Variants in PELI2 observed in about 807,000 individuals in gnomAD.
PELI2 encodes the protein pellino E3 ubiquitin protein ligase family member 2.
A neutral mutation model predicts 42.3 loss-of-function variants in PELI2; 23 were observed. The observed-to-expected ratio is 0.54, with a 90% CI of 0.39 to 0.77. PELI2 has a LOEUF of 0.77. PELI2 is among the 30% of genes least tolerant of loss of function. The pLI, the probability that PELI2 is intolerant of heterozygous loss-of-function variation, is 0.00. For synonymous variants in PELI2, 245 were observed against 212.2 expected (o/e 1.15, Z -1.34); for missense variants, 463 against 553.2 (o/e 0.84, Z 1.64).
At chr14:56,214,300 G>A (rs1435466630) in intron 2 of PELI2, among the ~76,000 whole-genome samples, 1 of 152,216 alleles carries the variant, frequency 6.6e-6, no homozygotes, top group Non-Finnish European at 1.5e-5. Flanking sequence ...GCCCCTGGAA[G>A]CTATGCAGTG....
Position 56,152,775 on chromosome 14 carries a change from A to G in PELI2, c.78-25560A>G, listed in dbSNP as rs374497802. Among the ~76,000 whole-genome samples the G allele has an allele frequency of 2.6e-5, 4 of 152,334 alleles. No homozygotes were observed. In the South Asian group the frequency reaches 8.3e-4, roughly 32 times the overall value. ...GTTTATAATTAGAATGTTAATTCTT[A>G]TAGTAGATATATTTGTAAAAAGATG... is the stretch of plus-strand genomic sequence containing the variant. On this transcript the variant is annotated intron_variant, in intron 1 of 5. Coordinates refer to ENST00000267460, the MANE Select transcript of PELI2 (RefSeq NM_021255.3).
At chr14:56,244,282 G>A (rs116903390) in intron 2 of PELI2, among the ~76,000 whole-genome samples, 167 of 152,292 alleles carry the variant, frequency 1.1e-3, no homozygotes, top group East Asian at 7.1e-3. Flanking sequence ...TGGCAAAATC[G>A]TTGATCAAAT....
chr14:56,127,645 G>T (rs949272471), intron 1 of PELI2, among the ~76,000 whole-genome samples: 8 of 152,194 alleles, frequency 5.3e-5, no homozygotes, highest in African/African-American at 1.7e-4. Context: ...CAGCACTCAG[G>T]GTTGGGAGAG....
At chr14:56,140,422 A>C (rs1025830755) in intron 1 of PELI2, among the ~76,000 whole-genome samples, 1 of 152,270 alleles carries the variant, frequency 6.6e-6, no homozygotes, top group Non-Finnish European at 1.5e-5. Context: ...AACAGTAGAT[A>C]CAACAATAAT....
chr14:56,178,044 C>G (rs1402793942), intron 1 of PELI2, among the ~76,000 whole-genome samples: 1 of 152,142 alleles, frequency 6.6e-6, no homozygotes, highest in Non-Finnish European at 1.5e-5. Context: ...CTGCAGAATA[C>G]TCATTTGCTT....
chr14:56,189,667 G>A (rs945200087), intron 2 of PELI2, among the ~76,000 whole-genome samples: 2 of 152,184 alleles, frequency 1.3e-5, no homozygotes, highest in African/African-American at 4.8e-5. Flanking sequence ...TTATACATAG[G>A]TGTAGGATAT....
At chr14:56,271,150 G>T (rs1008903104) in intron 2 of PELI2, among the ~76,000 whole-genome samples, 16 of 152,168 alleles carry the variant, frequency 1.1e-4, no homozygotes, top group Non-Finnish European at 1.9e-4. Flanking sequence ...ACCCTGCTCT[G>T]CCCCGACATC....
chr14:56,125,419 G>C (rs936170123), intron 1 of PELI2, among the ~76,000 whole-genome samples: 12 of 149,818 alleles, frequency 8.0e-5, no homozygotes, highest in South Asian at 2.1e-4. Flanking sequence ...GGTGGGCAGG[G>C]GGGGGGTGAA....
At chr14:56,208,748 A>G (rs547260103) in intron 2 of PELI2, among the ~76,000 whole-genome samples, 114 of 152,348 alleles carry the variant, frequency 7.5e-4, no homozygotes, top group Middle Eastern at 3.4e-3. Flanking sequence ...CCAAAGCATG[A>G]TGGTTATCTC....
At chr14:56,294,564 C>T (rs1203996998) in intron 5 of PELI2, among the ~76,000 whole-genome samples, 1 of 152,246 alleles carries the variant, frequency 6.6e-6, no homozygotes, top group Non-Finnish European at 1.5e-5. Context: ...TCCCATACCT[C>T]TCTCTTTCCC....
chr14:56,205,868 A>G (rs1886500249), intron 2 of PELI2, among the ~76,000 whole-genome samples: 1 of 152,214 alleles, frequency 6.6e-6, no homozygotes, highest in South Asian at 2.1e-4. Context: ...GGAGCAATTA[A>G]CTAAATACAG....
chr14:56,198,114 A>G (rs115527162), intron 2 of PELI2, among the ~76,000 whole-genome samples: 112 of 152,294 alleles, frequency 7.4e-4, no homozygotes, highest in Middle Eastern at 3.4e-3. Context: ...GGAAGAAGCA[A>G]CGGGACTCTC....
At chr14:56,183,425 T>G (rs1269314214) in intron 2 of PELI2, among the ~76,000 whole-genome samples, 1 of 152,142 alleles carries the variant, frequency 6.6e-6, no homozygotes, top group Non-Finnish European at 1.5e-5. Context: ...CTGAGAGTTT[T>G]GACAAGGCAA....
At chr14:56,256,037 C>A (rs1002857536) in intron 2 of PELI2, among the ~76,000 whole-genome samples, 1 of 152,152 alleles carries the variant, frequency 6.6e-6, no homozygotes, top group Non-Finnish European at 1.5e-5. Flanking sequence ...ACTGAGGACT[C>A]CAGTACCCTT....
Position 56,194,280 on chromosome 14 carries a change from G to A in PELI2, c.207+15816G>A, listed in dbSNP as rs146540388. Among the ~76,000 whole-genome samples, 543 of 152,164 alleles carry A rather than the reference G, an allele frequency of 3.6e-3. 3 individuals carry two copies. Among genetic ancestry groups the A allele is most frequent in the African/African-American group, 6.7e-3 (280 of 41,522 alleles). ...GCCCCTGTTCCTGTCGTCAGCATCC[G>A]GCCCTGCACTGCTGTTGCCCTCTGA... On this transcript the variant is annotated intron_variant, in intron 2 of 5. Transcript: ENST00000267460.
chr14:56,236,926 A>G (rs1242894946), intron 2 of PELI2, among the ~76,000 whole-genome samples: 2 of 151,696 alleles, frequency 1.3e-5, no homozygotes, highest in African/African-American at 4.8e-5. Flanking sequence ...TGTCAGTTTA[A>G]TTGTTTTCTT....
At position 56,288,560 on chromosome 14, in the gene PELI2, T is replaced by C; in HGVS notation, c.433T>C (p.Cys145Arg). 1.2e-6 allele frequency: 2 copies of C among 1,614,100 alleles called. No homozygotes were observed. The highest frequency in any genetic ancestry group is 1.7e-6 in the Non-Finnish European group (2 of 1,179,984). The change falls in exon 4 of 6, where the codon TGC becomes CGC. Residue 145 changes from cysteine to arginine, a missense_variant. By Grantham distance (180) the Cys-to-Arg change is radical. Coordinates refer to ENST00000267460, the MANE Select transcript of PELI2 (RefSeq NM_021255.3). The surrounding 1 kb of genome is among the most constrained non-coding windows in gnomAD (Gnocchi z 4.6). ...TISRFACRIV[C>R]DRNEPYTARI... Reference sequence around the variant, plus strand: ...ATCCAGGTTCGCCTGCAGGATCGTGTGCGACAGGAATGAACCTTACACAGC... The same window carrying C: ...ATCCAGGTTCGCCTGCAGGATCGTGCGCGACAGGAATGAACCTTACACAGC...
At chr14:56,150,803 G>A (rs1228825193) in intron 1 of PELI2, among the ~76,000 whole-genome samples, 1 of 152,120 alleles carries the variant, frequency 6.6e-6, no homozygotes, top group Non-Finnish European at 1.5e-5. Flanking sequence ...GCCTTCTGTG[G>A]CTGTGCTCCA....
intron 2 of PELI2, among the ~76,000 whole-genome samples, chr14:56,229,399 G>A (rs984024396): frequency 6.6e-6 from 1 of 152,240 alleles, no homozygotes; most frequent in Non-Finnish European, 1.5e-5. Context: ...GAAGCTTCCA[G>A]AGGAAGGATC....
Sources: allele counts gnomAD v4.1 joint callset (sites outside exome capture counted in the v4.1 genomes callset), GRCh38; gene constraint gnomAD v4.1.1; non-coding constraint Gnocchi (gnomAD v3.1); transcripts MANE v1.5; gene names NCBI Gene and HGNC (gene_info 2026-07-23, HGNC 2026-07-21).